Variants in SUV39H2 observed in about 807,000 individuals in gnomAD.
The protein encoded by SUV39H2 is histone-lysine N-methyltransferase SUV39H2.
SUV39H2 carries 10 observed loss-of-function variants against 47.5 expected under a neutral mutation model. The ratio of observed to expected loss-of-function variants is 0.21; its 90% confidence interval spans 0.13 to 0.36. The LOEUF (loss-of-function observed/expected upper bound fraction) is 0.36. SUV39H2 is among the 10% of genes least tolerant of loss of function. The probability of loss-of-function intolerance (pLI) is 1.00; values close to 1 mark genes in which losing one functional copy is unlikely to be tolerated. For synonymous variants in SUV39H2, 159 were observed against 166.8 expected (o/e 0.95, Z 0.36); for missense variants, 266 against 487.4 (o/e 0.55, Z 4.28).
In SUV39H2 at chr10:14,903,607, A is replaced by T. The variant is rs1341369845; in HGVS notation, c.*1095A>T. ...CTTGGCCAAAGTGTGTGCCTGAATT[A>T]TTAGACCTTTTTATTAGTCAACCTA... On this transcript the variant is annotated 3_prime_UTR_variant, in exon 6 of 6. Coordinates refer to ENST00000354919, the MANE Select transcript of SUV39H2 (RefSeq NM_001193424.2). 1 of 152,188 alleles carries T rather than the reference A, an allele frequency of 6.6e-6. No homozygotes were observed. Among genetic ancestry groups the T allele is most frequent in the South Asian group, 2.1e-4 (1 of 4,832 alleles). The allele number at this position is 152,188 out of a possible 1,614,324, so 9.4% of individuals were successfully genotyped here.
At position 14,897,262 on chromosome 10, in the gene SUV39H2, T is replaced by A; in HGVS notation, c.594T>A (p.Phe198Leu). 6.2e-7 allele frequency: 1 copy of A among 1,613,940 alleles called. No homozygotes were observed. The highest frequency in any genetic ancestry group is 1.1e-5 in the South Asian group (1 of 91,076). Residue 198 changes from phenylalanine (F) to leucine (L), a missense_variant, in exon 3 of 6, where the codon TTT (phenylalanine) becomes TTA (leucine). This residue lies in a region of SUV39H2 where 112 missense variants were observed against 271.9 expected (regional missense o/e 0.41). Transcript: ENST00000354919. ...GTTGTTCATGCACAGATTGCTTCTT[T>A]CAAAAATGTTGTCCTGCTGAAGCTG... ...TFGCSCTDCFFQKCCPAEAGV... is the reference protein window; with the variant it reads ...TFGCSCTDCFLQKCCPAEAGV...
At chr10:14,892,847 C>T (rs921862840) in intron 2 of SUV39H2, among the ~76,000 whole-genome samples, 10 of 149,498 alleles carry the variant, frequency 6.7e-5, no homozygotes, top group East Asian at 3.9e-4. Context: ...CGGGGTCTCG[C>T]GCTGTCACTC....
intron 2 of SUV39H2, among the ~76,000 whole-genome samples, chr10:14,895,947 G>A (rs1337441971): frequency 8.3e-6 from 1 of 119,908 alleles, no homozygotes. Flanking sequence ...TTGTTTGTTT[G>A]TTTTGTTTGT....
At chr10:14,889,366 C>G (rs1288208131) in intron 2 of SUV39H2, among the ~76,000 whole-genome samples, 2 of 152,114 alleles carry the variant, frequency 1.3e-5, no homozygotes, top group African/African-American at 2.4e-5. Flanking sequence ...GTTTCAGTCT[C>G]TGTCTTAGCA....
intron 2 of SUV39H2, among the ~76,000 whole-genome samples, chr10:14,896,400 G>A (rs1032441489): frequency 6.6e-6 from 1 of 152,174 alleles, no homozygotes; most frequent in Non-Finnish European, 1.5e-5. Context: ...GTTCCCTTGT[G>A]TCTGGTGTTT....
intron 2 of SUV39H2, among the ~76,000 whole-genome samples, chr10:14,890,978 C>T (rs1166209343): frequency 6.6e-6 from 1 of 152,150 alleles, no homozygotes; most frequent in Non-Finnish European, 1.5e-5. Flanking sequence ...CATTTAGTCA[C>T]AGCCTAAGAT....
At chr10:14,879,185 T>G in intron 1 of SUV39H2, 2 of 1,105,358 alleles carry the variant, frequency 1.8e-6, no homozygotes, top group Non-Finnish European at 2.2e-6. Context: ...CTCCGCCCGC[T>G]CGGCCCGGCC....
chr10:14,882,931 G>A (rs1042425315), intron 2 of SUV39H2, among the ~76,000 whole-genome samples: 18 of 150,524 alleles, frequency 1.2e-4, no homozygotes, highest in African/African-American at 4.2e-4. Context: ...GCAGTCGTGC[G>A]ATCTCAGCTC....
intron 1 of SUV39H2, chr10:14,879,197 C>T (rs1427400272): frequency 1.3e-5 from 14 of 1,076,076 alleles, no homozygotes; most frequent in African/African-American, 1.6e-5. Context: ...GGCCCGGCCC[C>T]CTCCGCGTCT....
chr10:14,884,819 A>T (rs1257299085), intron 2 of SUV39H2, among the ~76,000 whole-genome samples: 5 of 152,198 alleles, frequency 3.3e-5, no homozygotes, highest in Non-Finnish European at 5.9e-5. Context: ...GATCTTCAGC[A>T]AGTTACTTAG....
At chr10:14,887,678 C>T (rs1009960814) in intron 2 of SUV39H2, among the ~76,000 whole-genome samples, 13 of 152,200 alleles carry the variant, frequency 8.5e-5, no homozygotes, top group African/African-American at 2.9e-4. Flanking sequence ...CCATGTCCTG[C>T]ACTAGGAATT....
rs962357874 is a variant in SUV39H2 at position 14,897,131 on chromosome 10, T to C, written c.463T>C (p.Phe155Leu). Reference sequence around the variant, plus strand: ...AAGAAAGAATCATAAAGGAATGATATTTGTTGAAAATACTGTTGATTTAGA... The same window carrying C: ...AAGAAAGAATCATAAAGGAATGATACTTGTTGAAAATACTGTTGATTTAGA... ...NRRKNHKGMI[F>L]VENTVDLEGP... Residue 155 changes from phenylalanine (F) to leucine (L), a missense_variant, in exon 3 of 6, where the codon TTT (phenylalanine) becomes CTT (leucine). By Grantham distance (22) the Phe-to-Leu change is conservative (BLOSUM62 0). Transcript: ENST00000354919. 6 of 1,613,730 alleles carry C rather than the reference T, an allele frequency of 3.7e-6. No homozygotes were observed. Among genetic ancestry groups the C allele is most frequent in the Non-Finnish European group, 4.2e-6 (5 of 1,179,926 alleles).
intron 4 of SUV39H2, among the ~76,000 whole-genome samples, chr10:14,900,269 AG>A (rs1322397730): frequency 6.6e-6 from 1 of 152,214 alleles, no homozygotes; most frequent in Non-Finnish European, 1.5e-5. Context: ...TCCAAAAATT[AG>A]GGAAGTTAAT....
At chr10:14,900,863 A>G (rs944652461) in intron 4 of SUV39H2, among the ~76,000 whole-genome samples, 1 of 152,226 alleles carries the variant, frequency 6.6e-6, no homozygotes, top group Non-Finnish European at 1.5e-5. Flanking sequence ...GACTAGAGGA[A>G]TAAGATTGGC....
rs538737614 is a variant in SUV39H2, at chr10:14,891,959, A to G, written c.178-4887A>G. Among the ~76,000 whole-genome samples, 12 of 152,308 alleles carry G rather than the reference A, an allele frequency of 7.9e-5. No homozygotes were observed. In the East Asian group the frequency reaches 2.1e-3, roughly 27 times the overall value. ...GAATCTAAATATCCTGAAATTACCC[A>G]AAACGTTTTATATGTGGTTTTTGTT... On this transcript the variant is annotated intron_variant, in intron 2 of 5. Coordinates refer to ENST00000354919, the MANE Select transcript of SUV39H2 (RefSeq NM_001193424.2).
intron 2 of SUV39H2, among the ~76,000 whole-genome samples, chr10:14,893,068 T>C (rs1269665904): frequency 7.0e-6 from 1 of 143,280 alleles, no homozygotes; most frequent in Admixed American, 7.2e-5. Context: ...AGTGGCGCAA[T>C]CTAGGCTCAC....
chr10:14,902,702 A>T lies in SUV39H2; in HGVS notation c.*190A>T, dbSNP rs2131729452. The T allele has an allele frequency of 4.5e-6, 2 of 441,422 alleles. No homozygotes were observed. Among genetic ancestry groups the T allele is most frequent in the Non-Finnish European group, 4.1e-6 (1 of 243,592 alleles). The allele number at this position is 441,422 out of a possible 1,614,324, so 27.3% of individuals were successfully genotyped here. ...GGGTCACTGGGTCTCATAGACTGAT[A>T]TGAAGTCGACATATTTATAGTGCTT... On this transcript the variant is annotated 3_prime_UTR_variant, in exon 6 of 6. Coordinates refer to ENST00000354919, the MANE Select transcript of SUV39H2 (RefSeq NM_001193424.2).
At chr10:14,879,601 A>G (rs985040007) in intron 1 of SUV39H2, among the ~76,000 whole-genome samples, 5 of 151,578 alleles carry the variant, frequency 3.3e-5, no homozygotes, top group African/African-American at 1.2e-4. Context: ...GCACCGGGGA[A>G]CTGGGCACCG....
intron 4 of SUV39H2, among the ~76,000 whole-genome samples, chr10:14,900,027 G>T (rs1360091600): frequency 6.6e-6 from 1 of 152,174 alleles, no homozygotes; most frequent in Admixed American, 6.5e-5. Context: ...ACACAGAACT[G>T]TATCTTAATG....
Sources: allele counts gnomAD v4.1 joint callset (sites outside exome capture counted in the v4.1 genomes callset), GRCh38; gene constraint gnomAD v4.1.1; regional missense constraint gnomAD v4.1.1; transcripts MANE v1.5; gene names NCBI Gene and HGNC (gene_info 2026-07-23, HGNC 2026-07-21).